The following SLC12A1 variants were observed in gnomAD, a reference collection of about 807,000 sequenced individuals.
SLC12A1 encodes the protein solute carrier family 12 member 1, also known as Na-K-2Cl cotransporter.
SLC12A1 carries 89 observed loss-of-function variants against 130.4 expected under a neutral mutation model. The observed-to-expected ratio is 0.68, with a 90% CI of 0.58 to 0.81. SLC12A1 has a LOEUF of 0.81. Among genes scored for constraint, SLC12A1 ranks in the 40% least tolerant of loss-of-function variants. The pLI, the probability that SLC12A1 is intolerant of heterozygous loss-of-function variation, is 0.00. For missense variants in SLC12A1, 1,310 were observed against 1,336.4 expected (o/e 0.98, Z 0.31); for synonymous variants, 499 against 460.0 (o/e 1.08, Z -1.09).
chr15:48,263,763 G>A (rs550544891), intron 17 of SLC12A1, among the ~76,000 whole-genome samples: 9 of 152,198 alleles, frequency 5.9e-5, no homozygotes, highest in Admixed American at 5.9e-4. Flanking sequence ...CGCAATCATA[G>A]CTCACTGCAG....
In SLC12A1 at chr15:48,241,584, G is replaced by A. The variant is rs755764622; in HGVS notation, c.1285G>A (p.Val429Ile). ...IFITTVAYLG[V>I]AICVGACVVR... ...CATCACCACTGTTGCCTACTTAGGG[G>A]TTGCAATTTGTGTAGGTAAGTGGTA... The change falls in exon 10 of 27, where the codon GTT becomes ATT. Residue 429 changes from valine (V) to isoleucine (I), a missense_variant. By Grantham distance (29) the Val-to-Ile change is conservative. Coordinates refer to ENST00000380993, the MANE Select transcript of SLC12A1 (RefSeq NM_000338.3). 12 of 1,613,204 alleles carry A rather than the reference G, an allele frequency of 7.4e-6. No individual in the cohort carries two copies. Among genetic ancestry groups the A allele is most frequent in the Admixed American group, 5.0e-5 (3 of 60,000 alleles).
intron 15 of SLC12A1, among the ~76,000 whole-genome samples, chr15:48,252,502 A>T (rs1032591012): frequency 6.6e-6 from 1 of 152,196 alleles, no homozygotes; most frequent in Non-Finnish European, 1.5e-5. Context: ...ACAGAGTCAC[A>T]CTTAAGGAAT....
intron 8 of SLC12A1, 32 bp from the exon 9 acceptor site, chr15:48,234,845 A>G: frequency 6.2e-7 from 1 of 1,609,398 alleles, no homozygotes; most frequent in Non-Finnish European, 8.5e-7. Context: ...AAAAATGTCT[A>G]CATCATAATT....
At chr15:48,226,866 C>G in intron 5 of SLC12A1, 1 of 593,890 alleles carries the variant, frequency 1.7e-6, no homozygotes, top group Non-Finnish European at 3.0e-6. Flanking sequence ...AGCTGATGTT[C>G]CTTGGAAACT....
rs756917078 is a variant in SLC12A1, at chr15:48,244,744, T to C, written c.1301-9T>C. On this transcript the variant is annotated splice_polypyrimidine_tract_variant and intron_variant, in intron 10 of 26. Coordinates refer to ENST00000380993, the MANE Select transcript of SLC12A1 (RefSeq NM_000338.3). ...ATAAAGAAATAACAAGCCACGGTTG[T>C]TTCCACAGGGGCCTGTGTGGTCCGA... The C allele has an allele frequency of 1.2e-6, 2 of 1,613,844 alleles. No homozygotes were observed. The highest frequency in any genetic ancestry group is 1.3e-5 in the African/African-American group (1 of 75,046).
At chr15:48,296,119 A>G (rs2042175570) in intron 24 of SLC12A1, among the ~76,000 whole-genome samples, 1 of 152,216 alleles carries the variant, frequency 6.6e-6, no homozygotes, top group African/African-American at 2.4e-5. Context: ...TCGGCCGGGC[A>G]GCCCTTACCT....
At chr15:48,262,519 T>C (rs2041786786) in intron 17 of SLC12A1, among the ~76,000 whole-genome samples, 1 of 152,158 alleles carries the variant, frequency 6.6e-6, no homozygotes, top group Non-Finnish European at 1.5e-5. Flanking sequence ...ACTATCCAGC[T>C]AACTCTTAAC....
At chr15:48,229,393 G>A in intron 6 of SLC12A1, 65 bp downstream of exon 6, 2 of 1,471,406 alleles carry the variant, frequency 1.4e-6, no homozygotes, top group Non-Finnish European at 1.9e-6. Flanking sequence ...CCTTCTCAGG[G>A]CACTAAGGGA....
Position 48,288,167 on chromosome 15 carries a change from T to G in SLC12A1, c.2754T>G (p.Asp918Glu), listed in dbSNP as rs1413037415. 1 of 1,608,774 alleles carries G rather than the reference T, an allele frequency of 6.2e-7. No homozygotes were observed. Among genetic ancestry groups the G allele is most frequent in the Non-Finnish European group, 8.5e-7 (1 of 1,177,470 alleles). Residue 918 changes from aspartate (D) to glutamate (E), a missense_variant, in exon 22 of 27, where the codon GAT becomes GAG. Coordinates refer to ENST00000380993, the MANE Select transcript of SLC12A1 (RefSeq NM_000338.3). Reference sequence around the variant, plus strand: ...CAATTGATGTTTGGTGGTTGTTTGATGATGGAGGTAAAAACTTTCAGAAAA... The same window carrying G: ...CAATTGATGTTTGGTGGTTGTTTGAGGATGGAGGTAAAAACTTTCAGAAAA... ...KGTIDVWWLF[D>E]DGGLTLLIPY... is the part of the protein sequence containing the mutation.
At chr15:48,296,078 C>G (rs2042175164) in intron 24 of SLC12A1, among the ~76,000 whole-genome samples, 1 of 152,184 alleles carries the variant, frequency 6.6e-6, no homozygotes, top group African/African-American at 2.4e-5. Context: ...GAGAATAGAA[C>G]ACTGGCTCTA....
chr15:48,239,290 T>A (rs1056334351), intron 9 of SLC12A1, among the ~76,000 whole-genome samples: 1 of 151,998 alleles, frequency 6.6e-6, no homozygotes, highest in Non-Finnish European at 1.5e-5. Flanking sequence ...GGTGGGTGAT[T>A]GCTTGAGCCC....
intron 2 of SLC12A1, among the ~76,000 whole-genome samples, chr15:48,210,025 G>A (rs1429937616): frequency 6.6e-6 from 1 of 152,170 alleles, no homozygotes; most frequent in African/African-American, 2.4e-5. Flanking sequence ...AGAATTTTGA[G>A]AAGGGAGGCA....
At chr15:48,294,736 T>G (rs963178002) in intron 24 of SLC12A1, among the ~76,000 whole-genome samples, 1 of 152,194 alleles carries the variant, frequency 6.6e-6, no homozygotes, top group African/African-American at 2.4e-5. Flanking sequence ...CAACAATTCC[T>G]TAGTACATGC....
At chr15:48,232,925 C>T (rs997007580) in intron 8 of SLC12A1, 87 bp downstream of exon 8, 14 of 773,854 alleles carry the variant, frequency 1.8e-5, no homozygotes, top group South Asian at 5.0e-5. Context: ...CCCCAGCCTT[C>T]GGAATGCCTG....
intron 4 of SLC12A1, chr15:48,222,597 C>A (rs965865516): frequency 6.6e-6 from 1 of 151,792 alleles, no homozygotes; most frequent in East Asian, 1.9e-4. Flanking sequence ...TTTTTCTTTT[C>A]GTTTCTTTTC....
intron 20 of SLC12A1, among the ~76,000 whole-genome samples, chr15:48,282,823 T>C (rs1234670161): frequency 6.6e-6 from 1 of 152,012 alleles, no homozygotes; most frequent in East Asian, 1.9e-4. Flanking sequence ...CATAGGAAGG[T>C]AATAAAACAA....
intron 25 of SLC12A1, 86 bp downstream of exon 25, chr15:48,299,361 T>C: frequency 5.2e-6 from 6 of 1,158,114 alleles, no homozygotes; most frequent in Non-Finnish European, 7.0e-6. Flanking sequence ...AGAAGCAATA[T>C]ATTTATTATC....
intron 2 of SLC12A1, among the ~76,000 whole-genome samples, chr15:48,210,482 T>C (rs998030469): frequency 3.3e-5 from 5 of 152,234 alleles, no homozygotes; most frequent in South Asian, 4.1e-4. Context: ...AAAAGTAGCT[T>C]ATTTATAATT....
At chr15:48,224,560 A>C (rs569464111) in intron 4 of SLC12A1, 1 of 152,310 alleles carries the variant, frequency 6.6e-6, no homozygotes, top group East Asian at 1.9e-4. Context: ...TAAATATATA[A>C]GGAAAGGAAT....
Sources: allele counts gnomAD v4.1 joint callset (sites outside exome capture counted in the v4.1 genomes callset), GRCh38; gene constraint gnomAD v4.1.1; transcripts MANE v1.5; gene names NCBI Gene and HGNC (gene_info 2026-07-23, HGNC 2026-07-21).